Variants in ERICH1 observed in about 807,000 individuals in gnomAD.
ERICH1 encodes the protein glutamate rich 1, also known as glutamate-rich protein 1.
A neutral mutation model predicts 39.6 loss-of-function variants in ERICH1; 56 were observed. The ratio of observed to expected loss-of-function variants is 1.41; its 90% CI spans 1.14 to 1.77. The LOEUF is 1.77. Ranked by LOEUF, ERICH1 falls within the 40% of genes most tolerant of loss-of-function variation. ERICH1 has a pLI of 0.00. For synonymous variants in ERICH1, 313 were observed against 223.6 expected (o/e 1.40, Z -3.57); for missense variants, 826 against 575.4 (o/e 1.44, Z -4.45).
At chr8:621,240 C>T (rs1458504602) in intron 3 of ERICH1, among the ~76,000 whole-genome samples, 2 of 152,074 alleles carry the variant, frequency 1.3e-5, no homozygotes, top group East Asian at 3.8e-4. Context: ...AAAAGCACAT[C>T]ATGCCAATAT....
intron 3 of ERICH1, among the ~76,000 whole-genome samples, chr8:637,337 G>A (rs972058517): frequency 8.5e-5 from 13 of 152,240 alleles, no homozygotes; most frequent in African/African-American, 3.1e-4. Flanking sequence ...AGCCACAGCT[G>A]TGCCTGATTC....
chr8:716,148 G>C, intron 1 of ERICH1, 141 bp from the exon 2 acceptor site: 1 of 1,016,584 alleles, frequency 9.8e-7, no homozygotes, highest in Middle Eastern at 3.1e-4. Flanking sequence ...GTCCTCCCAC[G>C]CTGGGCACTG....
At chr8:710,431 C>T (rs543983173) in intron 2 of ERICH1, among the ~76,000 whole-genome samples, 19 of 147,946 alleles carry the variant, frequency 1.3e-4, no homozygotes, top group Admixed American at 6.7e-4. Flanking sequence ...TGGCATCGTA[C>T]GGGGCGGTTT....
At chr8:698,143 C>T (rs1488703256) in intron 2 of ERICH1, among the ~76,000 whole-genome samples, 1 of 152,298 alleles carries the variant, frequency 6.6e-6, no homozygotes, top group Admixed American at 6.5e-5. Context: ...TAACATACAG[C>T]CAAAGACAGA....
chr8:662,114 G>A (rs1256353077), downstream of ERICH1, among the ~76,000 whole-genome samples: 6 of 152,002 alleles, frequency 3.9e-5, no homozygotes, highest in Non-Finnish European at 7.4e-5. Context: ...GGGATTCTGT[G>A]GAACCCAGGA....
At chr8:639,427 T>C (rs1798732257) in intron 3 of ERICH1, among the ~76,000 whole-genome samples, 2 of 152,208 alleles carry the variant, frequency 1.3e-5, no homozygotes. Flanking sequence ...GGAGATGATT[T>C]GAAAAGCACT....
chr8:650,776 G>A (rs1346278414), intron 3 of ERICH1, among the ~76,000 whole-genome samples: 1 of 152,232 alleles, frequency 6.6e-6, no homozygotes, highest in East Asian at 1.9e-4. Context: ...GAGGCCTGCA[G>A]AGCCGAGACC....
chr8:643,014 TG>T (rs2117244704), intron 3 of ERICH1, among the ~76,000 whole-genome samples: 1 of 152,284 alleles, frequency 6.6e-6, no homozygotes, highest in Admixed American at 6.5e-5. Context: ...CGGGTTTTGC[TG>T]GGCCCTCCCT....
chr8:710,277 TC>T (rs1270462602), intron 2 of ERICH1, among the ~76,000 whole-genome samples: 1 of 151,460 alleles, frequency 6.6e-6, no homozygotes, highest in Non-Finnish European at 1.5e-5. Context: ...CACCTGCTCC[TC>T]CCAGTCCTCG....
intron 3 of ERICH1, among the ~76,000 whole-genome samples, chr8:625,016 G>A (rs1349674788): frequency 6.6e-6 from 1 of 152,118 alleles, no homozygotes; most frequent in African/African-American, 2.4e-5. Context: ...GTGAGCCACT[G>A]CACCCGGCCT....
At chr8:693,157 A>G (rs1205931758) in intron 2 of ERICH1, among the ~76,000 whole-genome samples, 1 of 152,098 alleles carries the variant, frequency 6.6e-6, no homozygotes, top group Non-Finnish European at 1.5e-5. Flanking sequence ...ACACAGAGAC[A>G]CCATGCACAG....
intron 2 of ERICH1, among the ~76,000 whole-genome samples, chr8:695,778 T>C (rs1250636206): frequency 3.0e-4 from 38 of 125,666 alleles, no homozygotes; most frequent in African/African-American, 1.0e-3. Flanking sequence ...CTCCTCTCCT[T>C]CCTCCCCATC....
chr8:639,410 T>TA (rs1472835863), intron 3 of ERICH1, among the ~76,000 whole-genome samples: 1 of 152,116 alleles, frequency 6.6e-6, no homozygotes, highest in Non-Finnish European at 1.5e-5. Flanking sequence ...GATAGAGAAA[T>TA]AAATGAGGAG....
chr8:687,690 G>A (rs1198749554), intron 3 of ERICH1, among the ~76,000 whole-genome samples: 2 of 152,162 alleles, frequency 1.3e-5, no homozygotes. Flanking sequence ...AGCGCTGACC[G>A]GACCCAGGGC....
At chr8:618,953 T>C (rs1366868778) in intron 3 of ERICH1, among the ~76,000 whole-genome samples, 9 of 152,106 alleles carry the variant, frequency 5.9e-5, no homozygotes, top group Admixed American at 5.9e-4. Flanking sequence ...TTAAACATCA[T>C]TTAAAGTCTC....
intron 3 of ERICH1, among the ~76,000 whole-genome samples, chr8:688,009 C>T (rs1309230753): frequency 6.6e-6 from 1 of 152,160 alleles, no homozygotes; most frequent in Non-Finnish European, 1.5e-5. Flanking sequence ...CGACCGCAGC[C>T]CCAGCTCCCG....
intron 3 of ERICH1, among the ~76,000 whole-genome samples, chr8:618,713 G>A (rs1305064501): frequency 6.6e-6 from 1 of 152,178 alleles, no homozygotes; most frequent in Non-Finnish European, 1.5e-5. Context: ...GCACGCAATG[G>A]ATACTAACTA....
intron 2 of ERICH1, among the ~76,000 whole-genome samples, chr8:712,144 C>T (rs1279205283): frequency 6.6e-6 from 1 of 152,168 alleles, no homozygotes; most frequent in Non-Finnish European, 1.5e-5. Context: ...TTTGCGTCTC[C>T]ATCTAAACTT....
intron 4 of ERICH1, among the ~76,000 whole-genome samples, chr8:670,969 C>T (rs1429684416): frequency 1.3e-5 from 2 of 151,816 alleles, no homozygotes; most frequent in Non-Finnish European, 2.9e-5. Context: ...CTGCCAGCCC[C>T]AGCTCCAACA....
Sources: gnomAD v4.1 joint callset for allele counts (sites outside exome capture counted in the v4.1 genomes callset) on GRCh38, gnomAD v4.1.1 for gene constraint, MANE v1.5 for transcripts, NCBI Gene and HGNC (gene_info 2026-07-23, HGNC 2026-07-21) for gene names.